NAPEPLD: variants seen among roughly 807,000 people sequenced by gnomAD.
The protein encoded by NAPEPLD is N-acyl-phosphatidylethanolamine-hydrolyzing phospholipase D.
Under a neutral mutation model 38.1 loss-of-function variants are expected in NAPEPLD, and 23 were observed. The observed-to-expected ratio is 0.60, with a 90% confidence interval of 0.43 to 0.86. The LOEUF (loss-of-function observed/expected upper bound fraction) is 0.86, where lower values mean the gene tolerates loss of function less well. Among genes scored for constraint, NAPEPLD ranks in the 40% least tolerant of loss-of-function variants. The probability of loss-of-function intolerance (pLI) is 0.00; values close to 1 mark genes in which losing one functional copy is unlikely to be tolerated. For synonymous variants in NAPEPLD, 147 were observed against 162.0 expected (o/e 0.91, Z 0.71); for missense variants, 411 against 476.8 (o/e 0.86, Z 1.28).
At chr7:103,139,071 G>T (rs1265000003) in intron 1 of NAPEPLD, among the ~76,000 whole-genome samples, 1 of 152,194 alleles carries the variant, frequency 6.6e-6, no homozygotes, top group African/African-American at 2.4e-5. Context: ...GTTATCTACT[G>T]GAAGAAAGTG....
intron 3 of NAPEPLD, among the ~76,000 whole-genome samples, chr7:103,118,218 G>A (rs890226399): frequency 6.6e-6 from 1 of 152,084 alleles, no homozygotes; most frequent in African/African-American, 2.4e-5. Context: ...AACATACATC[G>A]AGTAAAGACC....
In NAPEPLD at chr7:103,148,903, AT is replaced by A. The variant is rs1813159195; in HGVS notation, c.-110del. On this transcript the variant is annotated 5_prime_UTR_variant, in exon 1 of 5. Coordinates refer to ENST00000465647, the MANE Select transcript of NAPEPLD (RefSeq NM_001122838.3). ...AGCTACTCTCCCAAAGAGAAAAAAA[AT>A]AATGCTGTGGCTCTTCACCGAGGCA... 3 of 985,280 alleles carry A rather than the reference AT, an allele frequency of 3.0e-6. No homozygotes were observed. Among genetic ancestry groups the A allele is most frequent in the African/African-American group, 1.7e-5 (1 of 57,232 alleles). 61.0% of individuals were successfully genotyped at this position (985,280 alleles called of 1,614,324 possible).
At chr7:103,123,953 C>T (rs1264700864) in intron 2 of NAPEPLD, among the ~76,000 whole-genome samples, 1 of 152,114 alleles carries the variant, frequency 6.6e-6, no homozygotes, top group African/African-American at 2.4e-5. Flanking sequence ...TGTCAAAACT[C>T]ATTAAATTAT....
intron 1 of NAPEPLD, among the ~76,000 whole-genome samples, chr7:103,136,249 A>G (rs1256305456): frequency 6.6e-6 from 1 of 151,686 alleles, no homozygotes; most frequent in Non-Finnish European, 1.5e-5. Flanking sequence ...CCTGGGTGAC[A>G]GAGTGAGACC....
At position 103,149,058 on chromosome 7, in the gene NAPEPLD, A is replaced by C. The variant is rs542376906; in HGVS notation, c.-264T>G. On this transcript the variant is annotated 5_prime_UTR_variant, in exon 1 of 5. Transcript: ENST00000465647. The stretch of plus-strand genomic sequence containing the variant: ...GGGAAACCCACTCTCAGCCCGCTCC[A>C]CTTCGCCGAAGAATTCCAAACCACC... 8 of 985,388 alleles carry C rather than the reference A, an allele frequency of 8.1e-6. No homozygotes were observed. Among genetic ancestry groups the C allele is most frequent in the Non-Finnish European group, 8.4e-6 (7 of 829,968 alleles). 61.0% of individuals were successfully genotyped at this position (985,388 alleles called of 1,614,324 possible).
At chr7:103,125,413 T>C (rs1807549948) in intron 2 of NAPEPLD, among the ~76,000 whole-genome samples, 2 of 152,248 alleles carry the variant, frequency 1.3e-5, no homozygotes, top group South Asian at 4.1e-4. Flanking sequence ...ATAGTTGCCA[T>C]CATTATATCA....
At chr7:103,127,425 A>T (rs1808051086) in intron 2 of NAPEPLD, 1 of 152,232 alleles carries the variant, frequency 6.6e-6, no homozygotes, top group Admixed American at 6.5e-5. Context: ...CTTACTTTCC[A>T]TGTACCCTTT....
intron 1 of NAPEPLD, among the ~76,000 whole-genome samples, chr7:103,130,607 A>AT (rs1808733731): frequency 6.6e-6 from 1 of 151,088 alleles, no homozygotes; most frequent in Non-Finnish European, 1.5e-5. Flanking sequence ...ATTTTTTTTT[A>AT]TTTTTGAGAC....
chr7:103,137,403 C>G (rs1404498135), intron 1 of NAPEPLD, among the ~76,000 whole-genome samples: 5 of 151,970 alleles, frequency 3.3e-5, no homozygotes, highest in Non-Finnish European at 7.4e-5. Flanking sequence ...TCATTAGAAT[C>G]AAAAAGAATG....
intron 1 of NAPEPLD, among the ~76,000 whole-genome samples, chr7:103,137,895 G>A (rs924643714): frequency 1.4e-4 from 21 of 151,336 alleles, no homozygotes; most frequent in African/African-American, 5.1e-4. Context: ...GTTGGGGGAG[G>A]ACAAGGTAGG....
chr7:103,121,824 A>G (rs1806755253), intron 2 of NAPEPLD, among the ~76,000 whole-genome samples: 1 of 152,176 alleles, frequency 6.6e-6, no homozygotes, highest in Non-Finnish European at 1.5e-5. Context: ...TAGTTAAAAT[A>G]CAGGTCATGT....
intron 1 of NAPEPLD, among the ~76,000 whole-genome samples, chr7:103,134,811 C>A (rs6465903): frequency 0.13 from 20,223 of 152,104 alleles, 1,413 homozygotes; most frequent in Middle Eastern, 0.19. Context: ...GTGTCTCCAA[C>A]CAAAGAGAGG....
intron 2 of NAPEPLD, among the ~76,000 whole-genome samples, chr7:103,122,228 G>T (rs1307831253): frequency 1.3e-5 from 2 of 151,910 alleles, no homozygotes; most frequent in Admixed American, 6.6e-5. Context: ...ACCACGCCAG[G>T]CCTAGGAGGT....
chr7:103,134,679 C>G (rs142767039), intron 1 of NAPEPLD, among the ~76,000 whole-genome samples: 152 of 152,084 alleles, frequency 1.0e-3, no homozygotes, highest in African/African-American at 3.6e-3. Context: ...AACAAATGTT[C>G]TTTTTTAAAG....
intron 1 of NAPEPLD, among the ~76,000 whole-genome samples, chr7:103,139,967 T>C (rs1810881556): frequency 1.3e-5 from 2 of 152,154 alleles, no homozygotes; most frequent in Non-Finnish European, 2.9e-5. Context: ...AGCAGAAAGT[T>C]TGTAGCAAAT....
At chr7:103,114,907 T>C (rs573333498) in intron 4 of NAPEPLD, among the ~76,000 whole-genome samples, 153 bp downstream of exon 4, 2 of 152,276 alleles carry the variant, frequency 1.3e-5, no homozygotes, top group African/African-American at 4.8e-5. Context: ...TTCTACTAAT[T>C]AGTATGATTT....
intron 1 of NAPEPLD, among the ~76,000 whole-genome samples, chr7:103,140,639 C>T (rs761641927): frequency 6.6e-6 from 1 of 151,978 alleles, no homozygotes; most frequent in Admixed American, 6.6e-5. Flanking sequence ...GTGATCTGCC[C>T]GCCTTGGCCT....
chr7:103,103,031 G>C lies in NAPEPLD; in HGVS notation c.*398C>G, dbSNP rs1169589054. ...TAGGCCTCTGAAAAACATCTAGGTA[G>C]GTAGAGAGCCTTGACTCACCTTGCC... On this transcript the variant is annotated 3_prime_UTR_variant, in exon 5 of 5. Transcript: ENST00000465647. 6.5e-6 allele frequency: 1 copy of C among 153,512 alleles called. No homozygotes were observed. Among genetic ancestry groups the C allele is most frequent in the Non-Finnish European group, 1.5e-5 (1 of 68,732 alleles). 9.5% of individuals were successfully genotyped at this position (153,512 alleles called of 1,614,324 possible). A position where few individuals can be genotyped will look rare whatever the true frequency, so the allele number is the denominator to read the frequency against.
At chr7:103,107,994 A>G (rs1260365660) in intron 4 of NAPEPLD, among the ~76,000 whole-genome samples, 1 of 152,208 alleles carries the variant, frequency 6.6e-6, no homozygotes, top group Non-Finnish European at 1.5e-5. Flanking sequence ...AAGGGCAACC[A>G]GAGAGAAACT....
Sources: allele counts gnomAD v4.1 joint callset (sites outside exome capture counted in the v4.1 genomes callset), GRCh38; gene constraint gnomAD v4.1.1; transcripts MANE v1.5; gene names NCBI Gene and HGNC (gene_info 2026-07-23, HGNC 2026-07-21).